CELF4: variants seen among roughly 807,000 people sequenced by gnomAD.
CELF4 encodes CUGBP Elav-like family member 4.
In CELF4, 18 loss-of-function variants were observed where a neutral mutation model predicts 59.9. The observed-to-expected ratio is 0.30, with a 90% CI of 0.21 to 0.45. CELF4 has a LOEUF of 0.45. Ranked by LOEUF, CELF4 falls within the 20% of genes least tolerant of loss-of-function variation. The pLI is 1.00. For missense variants in CELF4, 456 were observed against 689.0 expected (o/e 0.66, Z 3.79); for synonymous variants, 261 against 267.1 (o/e 0.98, Z 0.22).
chr18:37,425,132 A>T (rs1791481), intron 2 of CELF4, among the ~76,000 whole-genome samples: 97,831 of 152,074 alleles, frequency 0.64, 32,305 homozygotes, highest in East Asian at 0.83. Context: ...AGGACAGAAA[A>T]AATCTATTAC....
In CELF4 at chr18:37,442,128, AT is replaced by A. The variant is rs1421026551; in HGVS notation, c.369+43396del. Among the ~76,000 whole-genome samples, 12 of 152,274 alleles carry A rather than the reference AT, an allele frequency of 7.9e-5. No homozygotes were observed. The East Asian group carries it at 1.2e-3, about 15-fold the overall frequency. ...GGCCAGACTTGTGGACAAAGGATGA[AT>A]TACCCAGGGGCTTTGGGAGGGTGAA... On this transcript the variant is annotated intron_variant, in intron 2 of 12. Coordinates refer to ENST00000420428, the MANE Select transcript of CELF4 (RefSeq NM_020180.4).
intron 8 of CELF4, among the ~76,000 whole-genome samples, chr18:37,267,684 G>A (rs2078338887): frequency 6.6e-6 from 1 of 152,174 alleles, no homozygotes; most frequent in South Asian, 2.1e-4. Context: ...TAGGGAGAGT[G>A]CCTCAACTTC....
At chr18:37,511,296 T>C (rs765153597) in intron 1 of CELF4, among the ~76,000 whole-genome samples, 1 of 152,140 alleles carries the variant, frequency 6.6e-6, no homozygotes, top group Non-Finnish European at 1.5e-5. Flanking sequence ...GCTGCCCTCA[T>C]GAGCATGTGA....
At chr18:37,419,710 C>T (rs559928703) in intron 2 of CELF4, among the ~76,000 whole-genome samples, 4 of 152,238 alleles carry the variant, frequency 2.6e-5, no homozygotes, top group Admixed American at 6.5e-5. Flanking sequence ...GGACGCCCTC[C>T]GGTACCCAAA....
rs1410391729 is a variant in CELF4, at chr18:37,318,623, C to T, written c.448+3180G>A. On this transcript the variant is annotated intron_variant, in intron 3 of 12. Coordinates refer to ENST00000420428, the MANE Select transcript of CELF4 (RefSeq NM_020180.4). Reference sequence around the variant, plus strand: ...GAAAGATGTTTAGGTTTGGCTTTCCCTACACCTCCCCCCCCCCCCACTTTC... The same window carrying T: ...GAAAGATGTTTAGGTTTGGCTTTCCTTACACCTCCCCCCCCCCCCACTTTC... 4.4e-5 allele frequency among the ~76,000 whole-genome samples: 5 copies of T among 114,750 alleles called. No individual in the cohort carries two copies. In the East Asian group the frequency reaches 1.5e-3, roughly 35 times the overall value. 75.3% of individuals were successfully genotyped at this position (114,750 alleles called of 152,430 possible).
intron 1 of CELF4, among the ~76,000 whole-genome samples, chr18:37,550,931 C>T (rs57391912): frequency 0.03 from 4,513 of 152,274 alleles, 243 homozygotes; most frequent in African/African-American, 0.1. Flanking sequence ...AGGGACACAT[C>T]GGCCCAGTTT....
At chr18:37,410,739 G>T (rs1284539855) in intron 2 of CELF4, among the ~76,000 whole-genome samples, 1 of 152,212 alleles carries the variant, frequency 6.6e-6, no homozygotes, top group Non-Finnish European at 1.5e-5. Flanking sequence ...GAGTCAGCCT[G>T]CACACCCCCG....
chr18:37,266,121 C>T (rs1343784429), intron 9 of CELF4: 4 of 310,866 alleles, frequency 1.3e-5, no homozygotes, highest in Admixed American at 4.7e-5. Context: ...TCAAACCAGG[C>T]ATCTGTGCTT....
At chr18:37,402,382 C>T (rs2099339400) in intron 2 of CELF4, among the ~76,000 whole-genome samples, 1 of 152,228 alleles carries the variant, frequency 6.6e-6, no homozygotes, top group Non-Finnish European at 1.5e-5. Context: ...ACATATACCA[C>T]TGCTCACCTC....
At chr18:37,505,996 C>G (rs1037347104) in intron 1 of CELF4, among the ~76,000 whole-genome samples, 56 of 152,082 alleles carry the variant, frequency 3.7e-4, no homozygotes, top group Non-Finnish European at 6.5e-4. Context: ...TTGCCCCTCC[C>G]AGGCCCAGGG....
intron 1 of CELF4, among the ~76,000 whole-genome samples, chr18:37,564,475 C>A (rs983948744): frequency 6.6e-6 from 1 of 152,126 alleles, no homozygotes; most frequent in African/African-American, 2.4e-5. Context: ...ATTCTGTCTC[C>A]CCCTCCCCCA....
chr18:37,381,362 G>A lies in CELF4; in HGVS notation c.370-59481C>T, dbSNP rs116820995. On this transcript the variant is annotated intron_variant, in intron 2 of 12. Transcript: ENST00000420428. ...CTAAGTTGGGCTCTAAAGGGCAATGGAGGAGGCCCTCATGTTCTGTTTCTG... is the reference window on the plus strand; with the variant it reads ...CTAAGTTGGGCTCTAAAGGGCAATGAAGGAGGCCCTCATGTTCTGTTTCTG... Among the ~76,000 whole-genome samples, 968 of 152,258 alleles carry A rather than the reference G, an allele frequency of 6.4e-3. 5 individuals carry two copies. The highest frequency in any genetic ancestry group is 0.021 in the African/African-American group (886 of 41,548).
At chr18:37,417,258 T>C (rs568944934) in intron 2 of CELF4, among the ~76,000 whole-genome samples, 1 of 152,022 alleles carries the variant, frequency 6.6e-6, no homozygotes, top group Non-Finnish European at 1.5e-5. Flanking sequence ...AACATGCCCA[T>C]CCATAGGGAT....
At chr18:37,293,882 G>A (rs2095490034) in intron 3 of CELF4, among the ~76,000 whole-genome samples, 1 of 144,542 alleles carries the variant, frequency 6.9e-6, no homozygotes, top group Admixed American at 7.1e-5. Context: ...ACCCCAAAGT[G>A]TGCTTATCTC....
At chr18:37,423,087 C>CAGAGAG (rs138618926) in intron 2 of CELF4, among the ~76,000 whole-genome samples, 12 of 150,194 alleles carry the variant, frequency 8.0e-5, no homozygotes, top group African/African-American at 1.5e-4. Context: ...CACACAGAGA[C>CAGAGAG]AGAGAGAGAG....
In CELF4 at chr18:37,384,538, G is replaced by A. The variant is rs565382561; in HGVS notation, c.370-62657C>T. The stretch of plus-strand genomic sequence containing the variant: ...AAAGCACCGAGACTCAGCAGGTTCA[G>A]AATGTAATGTAGACACAGGCCTGGG... On this transcript the variant is annotated intron_variant, in intron 2 of 12. Transcript: ENST00000420428. Among the ~76,000 whole-genome samples the A allele has an allele frequency of 5.6e-4, 85 of 152,142 alleles. No individual in the cohort carries two copies. In the South Asian group the frequency reaches 0.018, roughly 32 times the overall value.
intron 1 of CELF4, among the ~76,000 whole-genome samples, chr18:37,510,573 T>G (rs1270965892): frequency 1.3e-5 from 2 of 152,196 alleles, no homozygotes; most frequent in African/African-American, 4.8e-5. Context: ...CATCATGAGC[T>G]CTCCACTTAC....
In CELF4 at chr18:37,525,437, G is replaced by C. The variant is rs555596139; in HGVS notation, c.287-39830C>G. Among the ~76,000 whole-genome samples the C allele has an allele frequency of 1.5e-4, 23 of 152,322 alleles. No individual in the cohort carries two copies. The South Asian group carries it at 4.8e-3, about 32-fold the overall frequency. On this transcript the variant is annotated intron_variant, in intron 1 of 12. Coordinates refer to ENST00000420428, the MANE Select transcript of CELF4 (RefSeq NM_020180.4). ...CTTCGGGGTGGCCTTCTGGGTTGTG[G>C]GGAGGGGAGTGGAAGCTGCCCGGCA...
At chr18:37,256,401 T>G (rs1036382161) in intron 11 of CELF4, among the ~76,000 whole-genome samples, 6 of 152,188 alleles carry the variant, frequency 3.9e-5, no homozygotes, top group African/African-American at 1.4e-4. Flanking sequence ...AAATAGCACT[T>G]TAAGAACAAA....
Sources: allele counts gnomAD v4.1 joint callset (sites outside exome capture counted in the v4.1 genomes callset), GRCh38; gene constraint gnomAD v4.1.1; transcripts MANE v1.5; gene names NCBI Gene and HGNC (gene_info 2026-07-23, HGNC 2026-07-21).